The following SND1 variants were observed in gnomAD, a reference collection of about 807,000 sequenced individuals.
SND1 encodes staphylococcal nuclease domain-containing protein 1.
SND1 carries 38 observed loss-of-function variants against 121.7 expected under a neutral mutation model. That is an observed-to-expected ratio of 0.31 (90% confidence interval 0.24 to 0.41). The LOEUF (loss-of-function observed/expected upper bound fraction) is 0.41, where lower values mean the gene tolerates loss of function less well. SND1 is among the 10% of genes least tolerant of loss of function. The pLI is 1.00. For synonymous variants in SND1, 401 were observed against 447.4 expected (o/e 0.90, Z 1.31); for missense variants, 868 against 1,184.6 (o/e 0.73, Z 3.92).
At chr7:127,973,593 G>A (rs896412438) in intron 15 of SND1, among the ~76,000 whole-genome samples, 4 of 152,198 alleles carry the variant, frequency 2.6e-5, no homozygotes, top group African/African-American at 7.2e-5. Flanking sequence ...TACCTGAGGT[G>A]AGGTGGTCTC....
At position 127,748,359 on chromosome 7, in the gene SND1, C is replaced by T. The variant is rs185812998; in HGVS notation, c.1152+26959C>T. Reference sequence around the variant, plus strand: ...TGTCCTTTCAGAACACGCTCATCCCCCTTTGGGTTCTGGATCGGAATCAGA... The same window carrying T: ...TGTCCTTTCAGAACACGCTCATCCCTCTTTGGGTTCTGGATCGGAATCAGA... On this transcript the variant is annotated intron_variant, in intron 10 of 23. Transcript: ENST00000354725. Among the ~76,000 whole-genome samples, 937 of 152,260 alleles carry T rather than the reference C, an allele frequency of 6.2e-3. 12 individuals are homozygous for T. Among genetic ancestry groups the T allele is most frequent in the South Asian group, 0.031 (147 of 4,814 alleles).
chr7:127,791,161 T>A (rs1584575215), intron 10 of SND1, among the ~76,000 whole-genome samples: 1 of 150,000 alleles, frequency 6.7e-6, no homozygotes, highest in East Asian at 2.0e-4. Context: ...TTTTTTTTTT[T>A]TTGAGGCAGG....
In SND1 at chr7:127,791,822, C is replaced by T. The variant is rs1036257799; in HGVS notation, c.1153-15662C>T. Reference sequence around the variant, plus strand: ...TGGGCCTCCCGTGATTTGCCATCTCCGTTAACCCTTACTTTATTTACATCC... The same window carrying T: ...TGGGCCTCCCGTGATTTGCCATCTCTGTTAACCCTTACTTTATTTACATCC... On this transcript the variant is annotated intron_variant, in intron 10 of 23. Transcript: ENST00000354725. 8.5e-5 allele frequency among the ~76,000 whole-genome samples: 13 copies of T among 152,262 alleles called. 1 individual carries two copies. The highest frequency in any genetic ancestry group is 4.1e-4 in the South Asian group (2 of 4,826).
chr7:127,708,155 G>A (rs532905634), intron 9 of SND1, among the ~76,000 whole-genome samples: 2 of 152,196 alleles, frequency 1.3e-5, no homozygotes, highest in Non-Finnish European at 2.9e-5. Context: ...CAGGCTTTGT[G>A]TTAGATTATT....
chr7:127,869,745 A>G (rs1476414231), intron 12 of SND1, among the ~76,000 whole-genome samples: 4 of 152,150 alleles, frequency 2.6e-5, no homozygotes, highest in African/African-American at 9.7e-5. Context: ...GTCGATTCAC[A>G]TACATCACAA....
chr7:128,084,197 G>A (rs1020018389), intron 18 of SND1, among the ~76,000 whole-genome samples: 1 of 152,184 alleles, frequency 6.6e-6, no homozygotes, highest in Non-Finnish European at 1.5e-5. Flanking sequence ...CAATTCTGGG[G>A]CCTTTTCCAC....
chr7:127,672,382 G>C (rs2116266951), intron 1 of SND1, among the ~76,000 whole-genome samples: 1 of 152,176 alleles, frequency 6.6e-6, no homozygotes, highest in South Asian at 2.1e-4. Context: ...GCAGGAGGCA[G>C]GCAGATTACT....
chr7:128,005,153 A>G (rs551499149), intron 16 of SND1, among the ~76,000 whole-genome samples: 2 of 152,198 alleles, frequency 1.3e-5, no homozygotes, highest in Non-Finnish European at 2.9e-5. Flanking sequence ...ACAACTTCAA[A>G]AATTCATGAG....
intron 14 of SND1, among the ~76,000 whole-genome samples, chr7:127,917,815 A>G (rs970396122): frequency 3.9e-5 from 6 of 152,232 alleles, no homozygotes; most frequent in African/African-American, 1.4e-4. Flanking sequence ...TGATGGAATC[A>G]CAGAGCAAAT....
At chr7:127,702,337 T>C in intron 5 of SND1, 98 bp from the exon 6 acceptor site, 1 of 1,072,172 alleles carries the variant, frequency 9.3e-7, no homozygotes, top group Non-Finnish European at 1.4e-6. Flanking sequence ...TCAGGGTTTT[T>C]GGGGAGAGGA....
At chr7:127,926,730 T>TTGA (rs1221416365) in intron 14 of SND1, among the ~76,000 whole-genome samples, 1 of 145,748 alleles carries the variant, frequency 6.9e-6, no homozygotes, top group African/African-American at 2.7e-5. Flanking sequence ...TTTGTTGTTG[T>TTGA]TGTTGTTGTT....
chr7:127,776,895 G>T (rs1797630581), intron 10 of SND1, among the ~76,000 whole-genome samples: 1 of 152,212 alleles, frequency 6.6e-6, no homozygotes, highest in African/African-American at 2.4e-5. Flanking sequence ...AGAAATTTCT[G>T]CTAGGGGACC....
At chr7:127,787,987 C>T (rs1797841411) in intron 10 of SND1, among the ~76,000 whole-genome samples, 1 of 152,190 alleles carries the variant, frequency 6.6e-6, no homozygotes, top group South Asian at 2.1e-4. Flanking sequence ...TTCAGGAATG[C>T]ATATATTCTC....
At chr7:127,670,849 C>A (rs903539172) in intron 1 of SND1, among the ~76,000 whole-genome samples, 9 of 150,530 alleles carry the variant, frequency 6.0e-5, no homozygotes, top group African/African-American at 1.2e-4. Context: ...AAAAAAAAAA[C>A]CATGAGATAA....
intron 15 of SND1, among the ~76,000 whole-genome samples, chr7:127,967,501 A>G (rs1004444857): frequency 3.3e-4 from 50 of 152,212 alleles, no homozygotes; most frequent in African/African-American, 1.1e-3. Context: ...TCCCTTCCTG[A>G]TTTCCCAGCT....
At chr7:127,782,441 A>G (rs1797740425) in intron 10 of SND1, among the ~76,000 whole-genome samples, 1 of 152,166 alleles carries the variant, frequency 6.6e-6, no homozygotes, top group South Asian at 2.1e-4. Flanking sequence ...ATTTCTTTTC[A>G]TGTTAAGGCA....
At chr7:127,694,800 C>T (rs1388991140) in intron 2 of SND1, 28 bp from the exon 3 acceptor site, 2 of 1,612,298 alleles carry the variant, frequency 1.2e-6, no homozygotes, top group South Asian at 1.1e-5. Flanking sequence ...AGGCAGTTCT[C>T]ATGTGACATA....
chr7:127,800,638 A>T (rs557881656), intron 10 of SND1, among the ~76,000 whole-genome samples: 1 of 152,328 alleles, frequency 6.6e-6, no homozygotes, highest in African/African-American at 2.4e-5. Flanking sequence ...AAGAAATATA[A>T]GTTTATAGAA....
At chr7:127,996,054 G>T (rs561965321) in intron 16 of SND1, among the ~76,000 whole-genome samples, 173 of 152,158 alleles carry the variant, frequency 1.1e-3, no homozygotes, top group African/African-American at 3.9e-3. Flanking sequence ...CATTAAAAGG[G>T]AGGATGCCCC....
Sources: gnomAD v4.1 joint callset for allele counts (sites outside exome capture counted in the v4.1 genomes callset) on GRCh38, gnomAD v4.1.1 for gene constraint, MANE v1.5 for transcripts, NCBI Gene and HGNC (gene_info 2026-07-23, HGNC 2026-07-21) for gene names.